Variants in LMBRD2 observed in about 807,000 individuals in gnomAD.
The protein encoded by LMBRD2 is LMBR1 domain containing 2.
Under a neutral mutation model 94.4 loss-of-function variants are expected in LMBRD2, and 55 were observed. The observed-to-expected ratio is 0.58, with a 90% CI of 0.47 to 0.73. The LOEUF is 0.73. Among genes scored for constraint, LMBRD2 ranks in the 30% least tolerant of loss-of-function variants. The probability of loss-of-function intolerance (pLI) is 0.00; values close to 1 mark genes in which losing one functional copy is unlikely to be tolerated. For missense variants in LMBRD2, 640 were observed against 831.9 expected (o/e 0.77, Z 2.84); for synonymous variants, 246 against 272.4 (o/e 0.90, Z 0.95).
intron 6 of LMBRD2, among the ~76,000 whole-genome samples, chr5:36,128,629 G>A (rs1238498469): frequency 1.3e-5 from 2 of 152,142 alleles, no homozygotes; most frequent in African/African-American, 2.4e-5. Flanking sequence ...GGAGGCTGAC[G>A]TGAGAGGATG....
Position 36,108,584 on chromosome 5 carries a change from A to G in LMBRD2, c.1847T>C (p.Ile616Thr). The change falls in exon 16 of 18, where the codon ATT becomes ACT. Residue 616 changes from isoleucine (I) to threonine (T), a missense_variant. Physicochemically the swap from Ile to Thr is moderately conservative, Grantham distance 89. Coordinates refer to ENST00000296603, the MANE Select transcript of LMBRD2 (RefSeq NM_001007527.2). ...GTTTGACTCTTTGGGGTCAGTATGA[A>G]TATTTCTGTTCCTAGTGGAATCTTC... ...NREDSTRNRN[I>T]HTDPKESNFS... 2 of 1,597,320 alleles carry G rather than the reference A, an allele frequency of 1.3e-6. No homozygotes were observed. Among genetic ancestry groups the G allele is most frequent in the East Asian group, 2.2e-5 (1 of 44,548 alleles).
rs764191385 is a variant in LMBRD2, at chr5:36,136,387, A to G, written c.669T>C (p.Leu223=). Residue 223 remains leucine, a synonymous_variant, in exon 6 of 18, where the codon CTT becomes CTC. Coordinates refer to ENST00000296603, the MANE Select transcript of LMBRD2 (RefSeq NM_001007527.2). ...TGGCTGCCTTAAAATACGTTTTCAT[A>G]AGTAGATAACCCCTTTTTGCTCCAT... ...YWNGAKRGYL[L]MKTYFKAAKL... 1.1e-4 allele frequency: 178 copies of G among 1,613,980 alleles called. No individual in the cohort carries two copies. Among genetic ancestry groups the G allele is most frequent in the Non-Finnish European group, 1.5e-4 (176 of 1,179,968 alleles).
rs1743316064 is a variant in LMBRD2 at position 36,100,045 on chromosome 5, G to A, written c.*4001C>T. ...CATTGCCCAGTCTTCCAAGTCTCTG[G>A]GCAAAAAGTCACTGAGTTGGAAAGA... On this transcript the variant is annotated 3_prime_UTR_variant, in exon 18 of 18. Transcript: ENST00000296603. The A allele has an allele frequency of 6.6e-6, 1 of 151,992 alleles. No individual in the cohort carries two copies. The highest frequency in any genetic ancestry group is 2.4e-5 in the African/African-American group (1 of 41,408). The allele number at this position is 151,992 out of a possible 1,614,324, so 9.4% of individuals were successfully genotyped here. A position where few individuals can be genotyped will look rare whatever the true frequency, so the allele number is the denominator to read the frequency against.
Position 36,102,648 on chromosome 5 carries a change from AACTT to A in LMBRD2, c.*1394_*1397del, listed in dbSNP as rs1232793688. 2.0e-5 allele frequency: 3 copies of A among 151,856 alleles called. No individual in the cohort carries two copies. The East Asian group carries it at 5.8e-4, about 29-fold the overall frequency. 9.4% of individuals were successfully genotyped at this position (151,856 alleles called of 1,614,324 possible). On this transcript the variant is annotated 3_prime_UTR_variant, in exon 18 of 18. Transcript: ENST00000296603. ...TGCATAGAGCTGTGTTTTAAAAAAA[AACTT>A]ACATGATAATATTTATTAAAAATAA...
intron 10 of LMBRD2, 107 bp from the exon 11 acceptor site, chr5:36,116,700 G>A (rs1240941689): frequency 2.7e-6 from 3 of 1,120,722 alleles, no homozygotes; most frequent in East Asian, 2.5e-5. Flanking sequence ...TTTTTGAGAT[G>A]GAGTCTCGCC....
At chr5:36,118,947 C>A (rs943374988) in intron 9 of LMBRD2, among the ~76,000 whole-genome samples, 2 of 152,176 alleles carry the variant, frequency 1.3e-5, no homozygotes, top group South Asian at 2.1e-4. Context: ...CCCACCTCGG[C>A]CTCACAAAGT....
At chr5:36,145,125 C>G (rs772325240) in intron 1 of LMBRD2, among the ~76,000 whole-genome samples, 1 of 152,156 alleles carries the variant, frequency 6.6e-6, no homozygotes, top group Non-Finnish European at 1.5e-5. Context: ...ATACTATATT[C>G]CAGTTGTCTG....
At chr5:36,145,789 T>C (rs1744524228) in intron 1 of LMBRD2, among the ~76,000 whole-genome samples, 1 of 152,242 alleles carries the variant, frequency 6.6e-6, no homozygotes, top group Non-Finnish European at 1.5e-5. Flanking sequence ...AAATAAAGCA[T>C]GGCAGAGCCA....
intron 13 of LMBRD2, among the ~76,000 whole-genome samples, chr5:36,113,472 G>A (rs1045647677): frequency 2.0e-5 from 3 of 151,722 alleles, no homozygotes; most frequent in Admixed American, 6.6e-5. Context: ...TCTTGTCTGC[G>A]GCTCATCCTG....
chr5:36,107,148 T>C (rs974777315), intron 16 of LMBRD2, among the ~76,000 whole-genome samples: 5 of 152,194 alleles, frequency 3.3e-5, no homozygotes, highest in East Asian at 1.9e-4. Flanking sequence ...ATCTACAATA[T>C]CATACATAGT....
At chr5:36,120,679 G>A (rs1743869108) in intron 9 of LMBRD2, among the ~76,000 whole-genome samples, 1 of 152,050 alleles carries the variant, frequency 6.6e-6, no homozygotes, top group Non-Finnish European at 1.5e-5. Flanking sequence ...CATTTTTAGA[G>A]TTTTCTAGTC....
rs761276419 is a variant in LMBRD2 at position 36,108,623 on chromosome 5, T to C, written c.1808A>G (p.Tyr603Cys). 14 of 1,538,700 alleles carry C rather than the reference T, an allele frequency of 9.1e-6. No homozygotes were observed. Among genetic ancestry groups the C allele is most frequent in the Non-Finnish European group, 1.2e-5 (14 of 1,130,282 alleles). Residue 603 changes from tyrosine to cysteine, a missense_variant, in exon 16 of 18, where the codon TAT becomes TGT. Tyr to Cys is a radical substitution (Grantham distance 194). Coordinates refer to ENST00000296603, the MANE Select transcript of LMBRD2 (RefSeq NM_001007527.2). ...ENRRREWKER[Y>C]GHNREDSTRN... is the part of the protein sequence containing the mutation. ...AGTGGAATCTTCTCTATTGTGTCCATAACGTTCTTTCCATTCCTAGAAAAG... is the reference window on the plus strand; with the variant it reads ...AGTGGAATCTTCTCTATTGTGTCCACAACGTTCTTTCCATTCCTAGAAAAG...
At chr5:36,116,619 T>C in intron 10 of LMBRD2, 26 bp from the exon 11 acceptor site, 1 of 1,606,054 alleles carries the variant, frequency 6.2e-7, no homozygotes. Context: ...AACAAAGCAG[T>C]TTGTTTAAAA....
intron 1 of LMBRD2, chr5:36,148,040 C>T (rs1453868537): frequency 1.6e-5 from 3 of 183,380 alleles, no homozygotes; most frequent in African/African-American, 7.2e-5. Flanking sequence ...ATAATAAAAA[C>T]CAGGAGACAA....
At chr5:36,123,734 G>A (rs1413486013) in intron 7 of LMBRD2, among the ~76,000 whole-genome samples, 1 of 149,462 alleles carries the variant, frequency 6.7e-6, no homozygotes, top group East Asian at 1.9e-4. Context: ...TATAAATATA[G>A]TTAAATATAG....
chr5:36,104,159 G>A, intron 17 of LMBRD2, 53 bp from the exon 18 acceptor site: 1 of 1,406,478 alleles, frequency 7.1e-7, no homozygotes, highest in Non-Finnish European at 1.0e-6. Flanking sequence ...AATAAAGGAA[G>A]AGAGGAAAAC....
chr5:36,148,558 G>T (rs1016420222), intron 1 of LMBRD2, among the ~76,000 whole-genome samples: 2 of 152,162 alleles, frequency 1.3e-5, no homozygotes, highest in Admixed American at 1.3e-4. Flanking sequence ...CTAACATTTA[G>T]AATGTGTTCA....
chr5:36,115,146 A>T (rs1189123352), intron 11 of LMBRD2, 26 bp from the exon 12 acceptor site: 2 of 1,417,056 alleles, frequency 1.4e-6, no homozygotes, highest in African/African-American at 2.9e-5. Flanking sequence ...AAAAATATGT[A>T]TATAAAAAGT....
chr5:36,136,763 A>T (rs1744281392), intron 5 of LMBRD2, among the ~76,000 whole-genome samples: 1 of 152,200 alleles, frequency 6.6e-6, no homozygotes, highest in African/African-American at 2.4e-5. Context: ...TTGCTGACCT[A>T]GCAAATCTCA....
Sources: allele counts gnomAD v4.1 joint callset (sites outside exome capture counted in the v4.1 genomes callset), GRCh38; gene constraint gnomAD v4.1.1; transcripts MANE v1.5; gene names NCBI Gene and HGNC (gene_info 2026-07-23, HGNC 2026-07-21).